The following NAV3 variants were observed in gnomAD, a reference collection of about 807,000 sequenced individuals.
NAV3 encodes neuron navigator 3.
A neutral mutation model predicts 244.7 loss-of-function variants in NAV3; 87 were observed. The observed-to-expected ratio is 0.36, with a 90% CI of 0.30 to 0.42. NAV3 has a LOEUF of 0.42. NAV3 is among the 20% of genes least tolerant of loss of function. NAV3 has a pLI of 1.00. For synonymous variants in NAV3, 1,126 were observed against 1,042.2 expected, an observed-to-expected ratio of 1.08 and a Z score of -1.55; for missense variants, 2,663 against 2,893.3, an observed-to-expected ratio of 0.92 and a Z score of 1.83.
At chr12:77,960,837 A>G (rs1435411958) in intron 3 of NAV3, among the ~76,000 whole-genome samples, 2 of 141,520 alleles carry the variant, frequency 1.4e-5, no homozygotes, top group Non-Finnish European at 3.0e-5. Flanking sequence ...TGGTATGTGT[A>G]ATATACACAT....
rs368974915 is a variant in NAV3 at position 78,092,061 on chromosome 12, C to G, written c.2637-24711C>G. Among the ~76,000 whole-genome samples the G allele has an allele frequency of 2.8e-4, 42 of 152,250 alleles. No homozygotes were observed. The East Asian group carries it at 5.6e-3, about 20-fold the overall frequency. ...AACATCCACACCTACGGTATTAGCA[C>G]TGAGGACACAGTCGTGCACAAGATA... On this transcript the variant is annotated intron_variant, in intron 12 of 39. Transcript: ENST00000397909.
intron 5 of NAV3, among the ~76,000 whole-genome samples, chr12:77,977,661 AAG>A (rs1467582782): frequency 1.1e-4 from 16 of 151,436 alleles, no homozygotes; most frequent in African/African-American, 3.6e-4. Flanking sequence ...GAAAATCAAT[AAG>A]AGTGTTTAGA....
chr12:77,702,591 G>A (rs1875611415), intron 2 of NAV3, among the ~76,000 whole-genome samples: 1 of 151,294 alleles, frequency 6.6e-6, no homozygotes, highest in Admixed American at 6.6e-5. Flanking sequence ...TTTACTTTTT[G>A]TTTTTTGCTC....
chr12:77,749,693 A>G (rs1289018091), intron 2 of NAV3, among the ~76,000 whole-genome samples: 2 of 152,198 alleles, frequency 1.3e-5, no homozygotes, highest in African/African-American at 4.8e-5. Context: ...CCTTAGGCAT[A>G]ATAGCAATAC....
intron 5 of NAV3, among the ~76,000 whole-genome samples, chr12:77,976,670 T>TTTC (rs1565979446): frequency 4.6e-5 from 3 of 64,928 alleles, no homozygotes; most frequent in African/African-American, 2.1e-4. Context: ...TTCTTTCTTT[T>TTTC]TTTCTTTTTT....
At chr12:77,985,447 T>C (rs1870326827) in intron 5 of NAV3, among the ~76,000 whole-genome samples, 1 of 152,178 alleles carries the variant, frequency 6.6e-6, no homozygotes, top group Non-Finnish European at 1.5e-5. Flanking sequence ...CAAAAGTATT[T>C]ATATACTTTA....
At chr12:77,864,141 A>G (rs577273918) in intron 1 of NAV3, among the ~76,000 whole-genome samples, 6 of 151,844 alleles carry the variant, frequency 4.0e-5, no homozygotes, top group Non-Finnish European at 8.8e-5. Flanking sequence ...TTTGGTTTGT[A>G]CTTTCACCAT....
At chr12:77,784,111 A>G (rs995093005) in intron 2 of NAV3, among the ~76,000 whole-genome samples, 3 of 152,174 alleles carry the variant, frequency 2.0e-5, no homozygotes, top group African/African-American at 7.2e-5. Context: ...TGAGGAACAA[A>G]TAAGACTATG....
At chr12:78,065,448 G>A (rs151270056) in intron 12 of NAV3, among the ~76,000 whole-genome samples, 80 of 152,248 alleles carry the variant, frequency 5.3e-4, no homozygotes, top group African/African-American at 1.7e-3. Flanking sequence ...CAAGCCCTGA[G>A]AATGAATTCT....
chr12:78,195,498 A>G (rs1594007120), intron 34 of NAV3, among the ~76,000 whole-genome samples: 1 of 151,906 alleles, frequency 6.6e-6, no homozygotes, highest in South Asian at 2.1e-4. Flanking sequence ...TGTATTGTGA[A>G]TCACTTGCTC....
At chr12:78,146,600 A>G (rs1956874378) in intron 21 of NAV3, among the ~76,000 whole-genome samples, 1 of 152,156 alleles carries the variant, frequency 6.6e-6, no homozygotes, top group Non-Finnish European at 1.5e-5. Context: ...CTGTCCTTTC[A>G]CATTCTAGAT....
intron 8 of NAV3, among the ~76,000 whole-genome samples, chr12:78,007,710 G>A (rs1405667258): frequency 6.6e-6 from 1 of 152,168 alleles, no homozygotes; most frequent in Non-Finnish European, 1.5e-5. Context: ...AAGCCAGCTA[G>A]AAACCAGATG....
rs1955686528 is a variant in NAV3, at chr12:78,121,958, A to C, written c.3768A>C (p.Ala1256=). 6.2e-7 allele frequency: 1 copy of C among 1,613,816 alleles called. No homozygotes were observed. The highest frequency in any genetic ancestry group is 1.3e-5 in the African/African-American group (1 of 74,918). The change falls in exon 16 of 40, where the codon GCA becomes GCC. Residue 1256 remains alanine (A), a synonymous_variant. Transcript: ENST00000397909. ...PTFRRLFGAK[A]GGKSASAPNT... Reference sequence around the variant, plus strand: ...CTTTTAGGTTGTTTGGTGCCAAGGCAGGTGGCAAATCTGCCTCTGCACCTA... The same window carrying C: ...CTTTTAGGTTGTTTGGTGCCAAGGCCGGTGGCAAATCTGCCTCTGCACCTA...
intron 2 of NAV3, among the ~76,000 whole-genome samples, chr12:77,661,865 C>T (rs1337438081): frequency 1.3e-5 from 2 of 151,892 alleles, no homozygotes; most frequent in African/African-American, 4.8e-5. Context: ...GAATATATTT[C>T]TAGATTTTGT....
chr12:77,984,188 T>C (rs1870061681), intron 5 of NAV3, among the ~76,000 whole-genome samples: 1 of 152,172 alleles, frequency 6.6e-6, no homozygotes, highest in Non-Finnish European at 1.5e-5. Context: ...ATCCATAAAA[T>C]TTTGAAGGAG....
intron 6 of NAV3, among the ~76,000 whole-genome samples, chr12:77,996,869 A>G (rs576931212): frequency 1.3e-5 from 2 of 152,354 alleles, no homozygotes; most frequent in African/African-American, 4.8e-5. Flanking sequence ...AGAGTAGTAC[A>G]CAGTGACATT....
chr12:77,980,316 G>T (rs1869337592), intron 5 of NAV3, among the ~76,000 whole-genome samples: 1 of 152,090 alleles, frequency 6.6e-6, no homozygotes. Context: ...TTGTATTGAT[G>T]ATTATATTTT....
intron 2 of NAV3, among the ~76,000 whole-genome samples, chr12:77,762,802 G>A (rs1398759489): frequency 6.6e-6 from 1 of 151,834 alleles, no homozygotes; most frequent in Non-Finnish European, 1.5e-5. Context: ...GTGAGAAAAA[G>A]GTAGTAATGT....
At chr12:78,140,582 A>G (rs191199373) in intron 20 of NAV3, among the ~76,000 whole-genome samples, 2 of 152,310 alleles carry the variant, frequency 1.3e-5, no homozygotes, top group East Asian at 3.9e-4. Flanking sequence ...GAGTGGATGT[A>G]GAATTCGATT....
Sources: gnomAD v4.1 joint callset for allele counts (sites outside exome capture counted in the v4.1 genomes callset) on GRCh38, gnomAD v4.1.1 for gene constraint, MANE v1.5 for transcripts, NCBI Gene and HGNC (gene_info 2026-07-23, HGNC 2026-07-21) for gene names.